The following MTR variants were observed in gnomAD, a reference collection of about 807,000 sequenced individuals.
MTR encodes methionine synthase.
Under a neutral mutation model 154.8 loss-of-function variants are expected in MTR, and 84 were observed. The observed-to-expected ratio is 0.54, with a 90% CI of 0.45 to 0.65. The LOEUF is 0.65. MTR is among the 30% of genes least tolerant of loss of function. MTR has a pLI of 0.00. For synonymous variants in MTR, 554 were observed against 553.9 expected (o/e 1.00, Z 0.00); for missense variants, 1,275 against 1,570.2 (o/e 0.81, Z 3.18).
Position 236,903,704 on chromosome 1 carries a change from C to T in MTR, c.*6060C>T. 1 of 152,166 alleles carries T rather than the reference C, an allele frequency of 6.6e-6. No homozygotes were observed. The highest frequency in any genetic ancestry group is 3.2e-3 in the Middle Eastern group (1 of 316). The allele number at this position is 152,166 out of a possible 1,614,324, so 9.4% of individuals were successfully genotyped here. A position where few individuals can be genotyped will look rare whatever the true frequency, so the allele number is the denominator to read the frequency against. Reference sequence around the variant, plus strand: ...AGGTAAATGTAATACATCTGGCGACCTGCTGAGTGTGAACTTGCAGCAGGT... The same window carrying T: ...AGGTAAATGTAATACATCTGGCGACTTGCTGAGTGTGAACTTGCAGCAGGT... On this transcript the variant is annotated 3_prime_UTR_variant, in exon 33 of 33. Coordinates refer to ENST00000366577, the MANE Select transcript of MTR (RefSeq NM_000254.3).
At chr1:236,816,967 G>T (rs914513043) in intron 8 of MTR, among the ~76,000 whole-genome samples, 2 of 152,140 alleles carry the variant, frequency 1.3e-5, no homozygotes, top group Admixed American at 1.3e-4. Flanking sequence ...CCAGCTACTT[G>T]GGAGGTGGAA....
In MTR at chr1:236,795,436, G is replaced by A. The variant is rs1207968062; in HGVS notation, c.-268G>A. 1 of 1,483,040 alleles carries A rather than the reference G, an allele frequency of 6.7e-7. No homozygotes were observed. Among genetic ancestry groups the A allele is most frequent in the East Asian group, 2.7e-5 (1 of 36,686 alleles). The allele number at this position is 1,483,040 out of a possible 1,614,324, so 91.9% of individuals were successfully genotyped here. On this transcript the variant is annotated 5_prime_UTR_variant, in exon 1 of 33. It removes the in-frame stop codon of an upstream open reading frame in the 5' UTR. Coordinates refer to ENST00000366577, the MANE Select transcript of MTR (RefSeq NM_000254.3). ...TCTGGCCGCGCGTGTCTGGCTGCTA[G>A]GCCGACACCAAGGACTGGCCGGGTA...
rs560448629 is a variant in MTR, at chr1:236,824,365, G to T, written c.865+146G>T. The stretch of plus-strand genomic sequence containing the variant: ...AATAAATGAAGAGTGTCTGGGTGCA[G>T]TGTTTCCCTGTAGACCTGAGGGAAG... On this transcript the variant is annotated intron_variant, in intron 9 of 32. Coordinates refer to ENST00000366577, the MANE Select transcript of MTR (RefSeq NM_000254.3). 108 of 769,004 alleles carry T rather than the reference G, an allele frequency of 1.4e-4. No individual in the cohort carries two copies. In the African/African-American group the frequency reaches 1.7e-3, roughly 12 times the overall value. 47.6% of individuals were successfully genotyped at this position (769,004 alleles called of 1,614,324 possible). A position where few individuals can be genotyped will look rare whatever the true frequency, so the allele number is the denominator to read the frequency against.
chr1:236,847,553 A>T lies in MTR; in HGVS notation c.1516-2791A>T, dbSNP rs533710497. On this transcript the variant is annotated intron_variant, in intron 15 of 32. Transcript: ENST00000366577. Reference sequence around the variant, plus strand: ...GAGTAAACCTGTTTGATAAAGCTATAAATGGCATTTATTCCTTCCTTCTTG... The same window carrying T: ...GAGTAAACCTGTTTGATAAAGCTATTAATGGCATTTATTCCTTCCTTCTTG... 8.1e-4 allele frequency among the ~76,000 whole-genome samples: 123 copies of T among 152,354 alleles called. 3 individuals carry two copies. Among genetic ancestry groups the T allele is most frequent in the African/African-American group, 2.9e-3 (121 of 41,588 alleles).
chr1:236,852,829 A>G (rs1445982314), intron 17 of MTR, 119 bp from the exon 18 acceptor site: 13 of 1,243,146 alleles, frequency 1.0e-5, no homozygotes, highest in Non-Finnish European at 1.4e-5. Context: ...AAAGTTGAGT[A>G]GCTGTGACAG....
rs957283022 is a variant in MTR, at chr1:236,902,770, A to G, written c.*5126A>G. 1 of 152,200 alleles carries G rather than the reference A, an allele frequency of 6.6e-6. No homozygotes were observed. The highest frequency in any genetic ancestry group is 1.5e-5 in the Non-Finnish European group (1 of 68,038). The allele number at this position is 152,200 out of a possible 1,614,324, so 9.4% of individuals were successfully genotyped here. On this transcript the variant is annotated 3_prime_UTR_variant, in exon 33 of 33. Coordinates refer to ENST00000366577, the MANE Select transcript of MTR (RefSeq NM_000254.3). ...TCTCTACACCCACCTTCAGTATTTC[A>G]TATTAGATGCGGCCCAAGTGATACT...
At chr1:236,803,677 C>T (rs1660815737) in intron 2 of MTR, 35 bp downstream of exon 2, 3 of 1,588,310 alleles carry the variant, frequency 1.9e-6, no homozygotes, top group Non-Finnish European at 2.6e-6. Flanking sequence ...TGTATTCATT[C>T]TGTTATTCTG....
intron 25 of MTR, among the ~76,000 whole-genome samples, chr1:236,881,202 AAAAC>A (rs1213613335): frequency 1.3e-5 from 2 of 152,192 alleles, no homozygotes; most frequent in Non-Finnish European, 2.9e-5. Context: ...TCCAGATAGA[AAAAC>A]AAACTCAAAA....
intron 6 of MTR, among the ~76,000 whole-genome samples, chr1:236,813,775 G>A (rs971890956): frequency 2.0e-5 from 3 of 152,084 alleles, no homozygotes; most frequent in African/African-American, 7.2e-5. Context: ...ATAAGTAGCA[G>A]CTCCTGTCCT....
chr1:236,812,654 G>C (rs1228411843), intron 5 of MTR, 84 bp from the exon 6 acceptor site: 3 of 1,020,394 alleles, frequency 2.9e-6, no homozygotes, highest in African/African-American at 3.2e-5. Context: ...TAGTTCACAG[G>C]TGCCAGACCT....
chr1:236,822,312 G>GTTTTTTTT (rs199660325), intron 8 of MTR, among the ~76,000 whole-genome samples: 1 of 124,938 alleles, frequency 8.0e-6, no homozygotes, highest in Non-Finnish European at 1.6e-5. Flanking sequence ...GGTTTTTTTT[G>GTTTTTTTT]TTTTTTTTTT....
chr1:236,796,208 T>A (rs904217502), intron 1 of MTR, among the ~76,000 whole-genome samples: 4 of 152,228 alleles, frequency 2.6e-5, no homozygotes, highest in Admixed American at 2.6e-4. Flanking sequence ...ATTTTCTGCT[T>A]CTACGCACGC....
intron 3 of MTR, among the ~76,000 whole-genome samples, chr1:236,807,928 T>C (rs144675987): frequency 9.9e-4 from 151 of 152,310 alleles, no homozygotes; most frequent in African/African-American, 3.5e-3. Context: ...AGTAAAACTA[T>C]TTACAAAAAC....
At chr1:236,845,652 AATAG>A (rs1303754684) in intron 15 of MTR, among the ~76,000 whole-genome samples, 1 of 152,230 alleles carries the variant, frequency 6.6e-6, no homozygotes, top group Non-Finnish European at 1.5e-5. Flanking sequence ...ACTGAAGAGA[AATAG>A]ATAGGTAACA....
intron 23 of MTR, 148 bp downstream of exon 23, chr1:236,873,988 T>C: frequency 1.3e-6 from 1 of 768,222 alleles, no homozygotes; most frequent in Non-Finnish European, 2.2e-6. Flanking sequence ...ACCAGGTTGC[T>C]TTCATTGCCA....
chr1:236,825,471 A>G, intron 10 of MTR, 72 bp downstream of exon 10: 1 of 1,417,150 alleles, frequency 7.1e-7, no homozygotes, highest in Non-Finnish European at 1.0e-6. Context: ...GAGTATTTAG[A>G]AGGAGAATTT....
chr1:236,898,987 A>G lies in MTR; in HGVS notation c.*1343A>G, dbSNP rs1666810616. 6.6e-6 allele frequency: 1 copy of G among 152,234 alleles called. No homozygotes were observed. Among genetic ancestry groups the G allele is most frequent in the Non-Finnish European group, 1.5e-5 (1 of 68,042 alleles). The allele number at this position is 152,234 out of a possible 1,614,324, so 9.4% of individuals were successfully genotyped here. A position where few individuals can be genotyped will look rare whatever the true frequency, so the allele number is the denominator to read the frequency against. On this transcript the variant is annotated 3_prime_UTR_variant, in exon 33 of 33. Coordinates refer to ENST00000366577, the MANE Select transcript of MTR (RefSeq NM_000254.3). ...CATCCTACTTCAAGATGGTGGTGGC[A>G]ATAGTCAGGAGAAGGTAACATTGGA...
intron 2 of MTR, among the ~76,000 whole-genome samples, chr1:236,805,523 C>T (rs1373010994): frequency 6.6e-6 from 1 of 152,166 alleles, no homozygotes; most frequent in Non-Finnish European, 1.5e-5. Context: ...CTCTGTCACT[C>T]AGGCTGGAGT....
chr1:236,882,904 C>G (rs6701372), intron 25 of MTR, among the ~76,000 whole-genome samples: 53,661 of 152,072 alleles, frequency 0.35, 10,262 homozygotes, highest in East Asian at 0.44. Flanking sequence ...GGTGACACTT[C>G]AGGAGCCAGT....
Sources: gnomAD v4.1 joint callset for allele counts (sites outside exome capture counted in the v4.1 genomes callset) on GRCh38, gnomAD v4.1.1 for gene constraint, MANE v1.5 for transcripts, NCBI Gene and HGNC (gene_info 2026-07-23, HGNC 2026-07-21) for gene names.